The following RALGAPA1 variants were observed in gnomAD, a reference collection of about 807,000 sequenced individuals.
RALGAPA1 encodes the protein Ral GTPase activating protein catalytic subunit alpha 1.
In RALGAPA1, 52 loss-of-function variants were observed where a neutral mutation model predicts 269.6. That is an observed-to-expected ratio of 0.19 (90% CI 0.15 to 0.24). The LOEUF (loss-of-function observed/expected upper bound fraction) is 0.24. RALGAPA1 is among the 10% of genes least tolerant of loss of function. RALGAPA1 has a pLI of 1.00. For synonymous variants in RALGAPA1, 817 were observed against 1,008.3 expected, an observed-to-expected ratio of 0.81 and a Z score of 3.60; for missense variants, 1,917 against 3,013.9, an observed-to-expected ratio of 0.64 and a Z score of 8.52.
chr14:35,659,018 A>C, intron 28 of RALGAPA1, 120 bp downstream of exon 28: 1 of 513,900 alleles, frequency 1.9e-6, no homozygotes. Flanking sequence ...GTAACTTAAA[A>C]TTGTAATTCA....
intron 4 of RALGAPA1, among the ~76,000 whole-genome samples, chr14:35,763,978 C>T (rs1002193015): frequency 6.6e-6 from 1 of 152,094 alleles, no homozygotes; most frequent in Non-Finnish European, 1.5e-5. Flanking sequence ...TGTATGTTAA[C>T]TATCTTAATG....
chr14:35,749,768 T>C (rs9806071), intron 9 of RALGAPA1, among the ~76,000 whole-genome samples: 12,895 of 152,140 alleles, frequency 0.085, 866 homozygotes, highest in East Asian at 0.37. Flanking sequence ...TCAAATTTTC[T>C]GAATTCTGAT....
intron 1 of RALGAPA1, among the ~76,000 whole-genome samples, chr14:35,803,089 G>C (rs1437643134): frequency 6.6e-6 from 1 of 152,176 alleles, no homozygotes; most frequent in East Asian, 1.9e-4. Context: ...AACACTACTT[G>C]ATTTCAAGAT....
At chr14:35,600,232 C>CT (rs71124708) in intron 36 of RALGAPA1, among the ~76,000 whole-genome samples, 1,901 of 86,880 alleles carry the variant, frequency 0.022, 50 homozygotes, top group East Asian at 0.045. Context: ...TTCTTTTTTT[C>CT]TTTTTTTTTT....
intron 39 of RALGAPA1, among the ~76,000 whole-genome samples, chr14:35,566,532 A>C (rs2056722600): frequency 6.6e-6 from 1 of 152,122 alleles, no homozygotes; most frequent in Non-Finnish European, 1.5e-5. Context: ...TTTTATGAAG[A>C]GTAAAGGATT....
chr14:35,686,645 T>G lies in RALGAPA1; in HGVS notation c.3974A>C (p.Gln1325Pro). ...ATCACTATTAAGAGGAGGCAGTTTT[T>G]GGCTCATGTCCTCTTTATTGACTAA... ...KAAVNKEDMS[Q>P]KLPPLNSDIG... is the part of the protein sequence containing the mutation. The change falls in exon 19 of 42, where the codon CAA (glutamine) becomes CCA (proline). Residue 1325 changes from glutamine (Q) to proline (P), a missense_variant. Transcript: ENST00000680220. 6.3e-7 allele frequency: 1 copy of G among 1,590,530 alleles called. No individual in the cohort carries two copies. The highest frequency in any genetic ancestry group is 8.6e-7 in the Non-Finnish European group (1 of 1,163,224).
intron 32 of RALGAPA1, 73 bp from the exon 33 acceptor site, chr14:35,634,830 A>G: frequency 7.5e-7 from 1 of 1,340,586 alleles, no homozygotes; most frequent in Non-Finnish European, 9.9e-7. Context: ...AGGAGGATAA[A>G]AATCAACTGG....
rs202013730 is a variant in RALGAPA1 at position 35,638,251 on chromosome 14, TAAC to T, written c.5677-2656_5677-2654del. Among the ~76,000 whole-genome samples, 145 of 152,220 alleles carry T rather than the reference TAAC, an allele frequency of 9.5e-4. 1 individual carries two copies. In the East Asian group the frequency reaches 0.02, roughly 21 times the overall value. The stretch of plus-strand genomic sequence containing the variant: ...GAAAAGATGAACCAATAAAAAATAA[TAAC>T]AACAACTTTTCAAGACATGGACAGT... On this transcript the variant is annotated intron_variant, in intron 31 of 41. Transcript: ENST00000680220.
chr14:35,752,680 A>G (rs145166358), intron 7 of RALGAPA1, among the ~76,000 whole-genome samples: 1,524 of 152,214 alleles, frequency 0.01, 20 homozygotes, highest in Non-Finnish European at 0.013. Context: ...ATACAGCAGT[A>G]TAATATAGGG....
intron 8 of RALGAPA1, 85 bp downstream of exon 8, chr14:35,751,939 C>A: frequency 6.7e-7 from 1 of 1,501,810 alleles, no homozygotes; most frequent in East Asian, 2.4e-5. Flanking sequence ...TGATCAGTTT[C>A]CTGCAGTAAC....
At chr14:35,769,704 A>C (rs2074474009) in intron 4 of RALGAPA1, among the ~76,000 whole-genome samples, 1 of 152,218 alleles carries the variant, frequency 6.6e-6, no homozygotes, top group South Asian at 2.1e-4. Flanking sequence ...GAATAACTTG[A>C]ACAACTTTCT....
chr14:35,555,405 A>C (rs549014317), intron 39 of RALGAPA1, among the ~76,000 whole-genome samples: 1 of 152,344 alleles, frequency 6.6e-6, no homozygotes, highest in South Asian at 2.1e-4. Context: ...AGGGAAAAAA[A>C]GGGAAGAATG....
chr14:35,753,685 G>T (rs533888995), intron 7 of RALGAPA1, among the ~76,000 whole-genome samples: 1 of 152,278 alleles, frequency 6.6e-6, no homozygotes, highest in South Asian at 2.1e-4. Flanking sequence ...TAGGGGTGGG[G>T]ATGAAAGGGT....
intron 8 of RALGAPA1, 74 bp from the exon 9 acceptor site, chr14:35,750,764 A>G: frequency 8.2e-7 from 1 of 1,219,682 alleles, no homozygotes; most frequent in African/African-American, 1.5e-5. Flanking sequence ...ACATTTTTAA[A>G]TACTTGAGAA....
In RALGAPA1 at chr14:35,566,649, G is replaced by A. The variant is rs140679486; in HGVS notation, c.7496+3968C>T. Among the ~76,000 whole-genome samples, 231 of 151,628 alleles carry A rather than the reference G, an allele frequency of 1.5e-3. 1 individual carries two copies. The East Asian group carries it at 0.037, about 24-fold the overall frequency. ...GCTTGATTTTTTCCTTAATGAGAAC[G>A]TAATCTGATATTTCAAAAAGGTACA... On this transcript the variant is annotated intron_variant, in intron 39 of 41. Coordinates refer to ENST00000680220, the MANE Select transcript of RALGAPA1 (RefSeq NM_001346249.2).
chr14:35,688,166 T>G (rs1303525191), intron 18 of RALGAPA1, among the ~76,000 whole-genome samples: 1 of 152,218 alleles, frequency 6.6e-6, no homozygotes, highest in Non-Finnish European at 1.5e-5. Flanking sequence ...GAAAAATACT[T>G]GATTTAGGTA....
At chr14:35,567,758 G>T (rs1406015066) in intron 39 of RALGAPA1, among the ~76,000 whole-genome samples, 1 of 152,114 alleles carries the variant, frequency 6.6e-6, no homozygotes, top group Non-Finnish European at 1.5e-5. Flanking sequence ...GAAAGTTTGT[G>T]CTTGCTCAAT....
In RALGAPA1 at chr14:35,688,809, T is replaced by C. The variant is rs531934129; in HGVS notation, c.3602A>G (p.Asn1201Ser). ...SSTSNTHTST[N>S]SATELVKPGV... is the part of the protein sequence containing the mutation. Reference sequence around the variant, plus strand: ...AGGTTTTACTAGCTCTGTAGCACTATTTGTGCTGGTATGGGTGTTGCTAGT... The same window carrying C: ...AGGTTTTACTAGCTCTGTAGCACTACTTGTGCTGGTATGGGTGTTGCTAGT... Residue 1201 changes from asparagine to serine, a missense_variant, in exon 18 of 42, where the codon AAT becomes AGT. Asn to Ser is a conservative substitution (Grantham distance 46). Transcript: ENST00000680220. The C allele has an allele frequency of 6.9e-5, 96 of 1,393,960 alleles. No individual in the cohort carries two copies. In the African/African-American group the frequency reaches 1.4e-3, roughly 20 times the overall value. The allele number at this position is 1,393,960 out of a possible 1,614,324, so 86.3% of individuals were successfully genotyped here. A position where few individuals can be genotyped will look rare whatever the true frequency, so the allele number is the denominator to read the frequency against.
intron 16 of RALGAPA1, among the ~76,000 whole-genome samples, chr14:35,712,606 T>C (rs1023367998): frequency 6.6e-5 from 10 of 152,280 alleles, no homozygotes; most frequent in Non-Finnish European, 1.2e-4. Context: ...ACTCTTGGGC[T>C]CAAGCAATCA....
Sources: allele counts gnomAD v4.1 joint callset (sites outside exome capture counted in the v4.1 genomes callset), GRCh38; gene constraint gnomAD v4.1.1; transcripts MANE v1.5; gene names NCBI Gene and HGNC (gene_info 2026-07-23, HGNC 2026-07-21).